Variants in VPS13B observed in about 807,000 individuals in gnomAD.
VPS13B encodes vacuolar protein sorting 13 homolog B.
VPS13B carries 285 observed loss-of-function variants against 426.4 expected under a neutral mutation model. The ratio of observed to expected loss-of-function variants is 0.67; its 90% CI spans 0.61 to 0.74. The LOEUF (loss-of-function observed/expected upper bound fraction) is 0.74. Among genes scored for constraint, VPS13B ranks in the 30% least tolerant of loss-of-function variants. The probability of loss-of-function intolerance (pLI) is 0.00; values close to 1 mark genes in which losing one functional copy is unlikely to be tolerated. For missense variants in VPS13B, 4,537 were observed against 4,782.6 expected, an observed-to-expected ratio of 0.95 and a Z score of 1.51; for synonymous variants, 1,676 against 1,676.4, an observed-to-expected ratio of 1.00 and a Z score of 0.01.
chr8:99,594,435 A>G (rs989913812), intron 33 of VPS13B, among the ~76,000 whole-genome samples: 1 of 151,966 alleles, frequency 6.6e-6, no homozygotes, highest in Admixed American at 6.6e-5. Flanking sequence ...ATATAATAAG[A>G]ACTCAATAAA....
At position 99,467,531 on chromosome 8, in the gene VPS13B, C is replaced by T. The variant is rs765949538; in HGVS notation, c.3563C>T (p.Thr1188Met). Residue 1188 changes from threonine (T) to methionine (M), a missense_variant, in exon 24 of 62, where the codon ACG (threonine) becomes ATG (methionine). Thr to Met is a moderately conservative substitution (Grantham distance 81). Coordinates refer to ENST00000357162, the MANE Select transcript of VPS13B (RefSeq NM_152564.5). Reference sequence around the variant, plus strand: ...GGTTGCACCTCCACTCTAGCTGTCACGTCTCAAAAACTGCTTGCTACGGGA... The same window carrying T: ...GGTTGCACCTCCACTCTAGCTGTCATGTCTCAAAAACTGCTTGCTACGGGA... The part of the protein sequence containing the change: ...PMGCTSTLAV[T>M]SQKLLATGPD... 9 of 1,613,672 alleles carry T rather than the reference C, an allele frequency of 5.6e-6. No individual in the cohort carries two copies. The highest frequency in any genetic ancestry group is 1.3e-5 in the African/African-American group (1 of 74,884).
At chr8:99,395,994 A>C (rs1026362983) in intron 21 of VPS13B, among the ~76,000 whole-genome samples, 29 of 152,198 alleles carry the variant, frequency 1.9e-4, no homozygotes, top group African/African-American at 6.0e-4. Context: ...TAGATATTGC[A>C]AGAAAAAGAA....
intron 19 of VPS13B, among the ~76,000 whole-genome samples, chr8:99,293,794 C>T (rs907037630): frequency 6.6e-6 from 1 of 151,890 alleles, no homozygotes; most frequent in Non-Finnish European, 1.5e-5. Context: ...AAAAAATGCT[C>T]ACCATCACTG....
intron 20 of VPS13B, 147 bp from the exon 21 acceptor site, chr8:99,391,410 G>A (rs1814440937): frequency 1.6e-6 from 2 of 1,263,726 alleles, no homozygotes; most frequent in Non-Finnish European, 2.2e-6. Context: ...ACAGATGAGG[G>A]AGGGAGAGAT....
chr8:99,515,581 G>C (rs1038414444), intron 29 of VPS13B, among the ~76,000 whole-genome samples: 4 of 152,086 alleles, frequency 2.6e-5, no homozygotes, highest in Non-Finnish European at 5.9e-5. Context: ...GTTGTCTTTG[G>C]AAAACATAAT....
chr8:99,821,291 C>T lies in VPS13B; in HGVS notation c.8995-3C>T. 6.2e-7 allele frequency: 1 copy of T among 1,612,746 alleles called. No individual in the cohort carries two copies. Among genetic ancestry groups the T allele is most frequent in the Non-Finnish European group, 8.5e-7 (1 of 1,179,308 alleles). On this transcript the variant is annotated splice_polypyrimidine_tract_variant and splice_region_variant and intron_variant, in intron 49 of 61. Coordinates refer to ENST00000357162, the MANE Select transcript of VPS13B (RefSeq NM_152564.5). ...CTTTATAATTGAGGCATTATTTTTCCAGGAAGCTTTTCAAATTGGAATATA... is the reference window on the plus strand; with the variant it reads ...CTTTATAATTGAGGCATTATTTTTCTAGGAAGCTTTTCAAATTGGAATATA...
At chr8:99,204,523 C>T (rs761397621) in intron 17 of VPS13B, among the ~76,000 whole-genome samples, 3 of 152,268 alleles carry the variant, frequency 2.0e-5, no homozygotes, top group South Asian at 2.1e-4. Flanking sequence ...TCTCATCAAA[C>T]GAAAGAGCTT....
intron 17 of VPS13B, among the ~76,000 whole-genome samples, chr8:99,269,622 G>T (rs1450360116): frequency 1.3e-5 from 2 of 152,160 alleles, no homozygotes; most frequent in Non-Finnish European, 2.9e-5. Context: ...AAAGAATGCT[G>T]CCTATATCTG....
At chr8:99,557,635 C>T (rs1239065327) in intron 31 of VPS13B, among the ~76,000 whole-genome samples, 2 of 152,052 alleles carry the variant, frequency 1.3e-5, no homozygotes, top group East Asian at 1.9e-4. Context: ...CATATAATGA[C>T]TTATTTTCCT....
intron 33 of VPS13B, among the ~76,000 whole-genome samples, chr8:99,615,091 T>TGG (rs1828025788): frequency 8.1e-6 from 1 of 123,348 alleles, no homozygotes; most frequent in Non-Finnish European, 1.6e-5. Context: ...CACTCCAGCC[T>TGG]GGGGAACAAC....
intron 33 of VPS13B, among the ~76,000 whole-genome samples, chr8:99,640,495 TG>T: frequency 6.6e-6 from 1 of 152,208 alleles, no homozygotes; most frequent in African/African-American, 2.4e-5. Context: ...CTCGAACCCC[TG>T]GTCTCAAGCA....
chr8:99,436,690 C>T (rs1227171743), intron 22 of VPS13B, among the ~76,000 whole-genome samples: 1 of 152,088 alleles, frequency 6.6e-6, no homozygotes, highest in African/African-American at 2.4e-5. Context: ...ATTAGATTCT[C>T]ATTAAATGAT....
chr8:99,068,982 T>A (rs1472159571), intron 3 of VPS13B, among the ~76,000 whole-genome samples: 1 of 150,990 alleles, frequency 6.6e-6, no homozygotes, highest in African/African-American at 2.4e-5. Context: ...TATTTTAAAG[T>A]ATATGATCAT....
intron 33 of VPS13B, among the ~76,000 whole-genome samples, chr8:99,605,565 A>C (rs181232978): frequency 1.1e-3 from 162 of 152,282 alleles, no homozygotes; most frequent in African/African-American, 3.7e-3. Context: ...ATATTTTCTG[A>C]AATTAACTTC....
intron 2 of VPS13B, among the ~76,000 whole-genome samples, chr8:99,023,116 G>GT (rs1841978565): frequency 6.6e-6 from 1 of 151,804 alleles, no homozygotes; most frequent in African/African-American, 2.4e-5. Flanking sequence ...AGCCTCCCAA[G>GT]TAGCTAGGAC....
chr8:99,320,866 AC>A (rs1809940679), intron 19 of VPS13B, among the ~76,000 whole-genome samples: 1 of 152,102 alleles, frequency 6.6e-6, no homozygotes, highest in South Asian at 2.1e-4. Context: ...CTTCCAGGTC[AC>A]CTTTGTGTCA....
rs369279519 is a variant in VPS13B at position 99,284,191 on chromosome 8, T to C, written c.2824+8937T>C. 3.9e-5 allele frequency among the ~76,000 whole-genome samples: 6 copies of C among 152,318 alleles called. No individual in the cohort carries two copies. In the South Asian group the frequency reaches 8.3e-4, roughly 21 times the overall value. On this transcript the variant is annotated intron_variant, in intron 19 of 61. Transcript: ENST00000357162. Reference sequence around the variant, plus strand: ...GTTTACACAAAACAAAGCATATGTATATGTTTAAAATATTTTTTCTTTTTT... The same window carrying C: ...GTTTACACAAAACAAAGCATATGTACATGTTTAAAATATTTTTTCTTTTTT...
At chr8:99,111,004 T>C in intron 5 of VPS13B, 94 bp from the exon 6 acceptor site, 1 of 940,398 alleles carries the variant, frequency 1.1e-6, no homozygotes, top group Non-Finnish European at 1.5e-6. Flanking sequence ...TTTTCTGTTA[T>C]TATTAATTTT....
At chr8:99,084,876 A>G (rs967938020) in intron 3 of VPS13B, among the ~76,000 whole-genome samples, 1 of 152,162 alleles carries the variant, frequency 6.6e-6, no homozygotes, top group Admixed American at 6.5e-5. Flanking sequence ...ACTTCCGACT[A>G]TGTGATCAAT....
Sources: gnomAD v4.1 joint callset for allele counts (sites outside exome capture counted in the v4.1 genomes callset) on GRCh38, gnomAD v4.1.1 for gene constraint, MANE v1.5 for transcripts, NCBI Gene and HGNC (gene_info 2026-07-23, HGNC 2026-07-21) for gene names.